PCDHGA2: variants seen among roughly 807,000 people sequenced by gnomAD.
PCDHGA2 encodes protocadherin gamma-A2.
Under a neutral mutation model 59.2 loss-of-function variants are expected in PCDHGA2, and 40 were observed. The observed-to-expected ratio is 0.68, with a 90% CI of 0.52 to 0.88. The LOEUF (loss-of-function observed/expected upper bound fraction) is 0.88. Ranked by LOEUF, PCDHGA2 falls within the 40% of genes least tolerant of loss-of-function variation. The pLI, the probability that PCDHGA2 is intolerant of heterozygous loss-of-function variation, is 0.00. For synonymous variants in PCDHGA2, 560 were observed against 526.0 expected, an observed-to-expected ratio of 1.06 and a Z score of -0.89; for missense variants, 1,226 against 1,204.0, an observed-to-expected ratio of 1.02 and a Z score of -0.27.
In PCDHGA2 at chr5:141,487,818, G is replaced by A. The variant is rs1009237001; in HGVS notation, c.2425-6989G>A. On this transcript the variant is annotated intron_variant, in intron 1 of 3. Coordinates refer to ENST00000394576, the MANE Select transcript of PCDHGA2 (RefSeq NM_018915.4). This position sits in a 1 kb window ranked among gnomAD's most constrained non-coding sequence, Gnocchi z 5.0. ...GAGTTGTCACAGTTTAGCATTGGGG[G>A]CGGGTCATGCCTATATCTGAGTAAG... The A allele has an allele frequency of 1.2e-4, 158 of 1,331,596 alleles. No homozygotes were observed. The highest frequency in any genetic ancestry group is 1.4e-4 in the Non-Finnish European group (140 of 970,524). 82.5% of individuals were successfully genotyped at this position (1,331,596 alleles called of 1,614,324 possible). A position where few individuals can be genotyped will look rare whatever the true frequency, so the allele number is the denominator to read the frequency against.
intron 1 of PCDHGA2, chr5:141,355,002 A>G: frequency 1.3e-6 from 1 of 756,684 alleles, no homozygotes; most frequent in South Asian, 3.1e-5. Flanking sequence ...GGGGGAAAAG[A>G]CAAACCAGAA....
rs532830928 is a variant in PCDHGA2 at position 141,473,487 on chromosome 5, A to G, written c.2425-21320A>G. Reference sequence around the variant, plus strand: ...TTGTGCCAAGTTCAATGGAAAAAATATAAGGTGTTCTGAGAGAGCATAACA... The same window carrying G: ...TTGTGCCAAGTTCAATGGAAAAAATGTAAGGTGTTCTGAGAGAGCATAACA... On this transcript the variant is annotated intron_variant, in intron 1 of 3. Coordinates refer to ENST00000394576, the MANE Select transcript of PCDHGA2 (RefSeq NM_018915.4). 2.0e-3 allele frequency among the ~76,000 whole-genome samples: 310 copies of G among 152,242 alleles called. 5 individuals carry two copies. The South Asian group carries it at 0.052, about 25-fold the overall frequency.
chr5:141,421,760 A>G, intron 1 of PCDHGA2: 1 of 1,613,868 alleles, frequency 6.2e-7, no homozygotes, highest in South Asian at 1.1e-5. Context: ...CCTAATAATT[A>G]CTTTTCCTTG....
intron 1 of PCDHGA2, among the ~76,000 whole-genome samples, chr5:141,435,783 G>A (rs1273339025): frequency 6.6e-6 from 1 of 152,124 alleles, no homozygotes; most frequent in Non-Finnish European, 1.5e-5. Context: ...TAAAGGTGCA[G>A]GGAAACATAA....
chr5:141,341,261 C>A lies in PCDHGA2; in HGVS notation c.2290C>A (p.Arg764=). The A allele has an allele frequency of 6.2e-7, 1 of 1,614,198 alleles. No homozygotes were observed. The highest frequency in any genetic ancestry group is 8.5e-7 in the Non-Finnish European group (1 of 1,180,038). Residue 764 remains arginine, a synonymous_variant, in exon 1 of 4, where the codon CGG becomes AGG. Coordinates refer to ENST00000394576, the MANE Select transcript of PCDHGA2 (RefSeq NM_018915.4). ...CGAGGTCTCCCTCACTGCGGACTCG[C>A]GGAAGAGCCACCTGATTTTCCCCCA... ...SHEVSLTADS[R]KSHLIFPQPN...
intron 1 of PCDHGA2, among the ~76,000 whole-genome samples, chr5:141,358,289 G>T (rs1428102148): frequency 6.6e-6 from 1 of 152,214 alleles, no homozygotes; most frequent in Non-Finnish European, 1.5e-5. Context: ...GAAGGCAATT[G>T]TGTAAATTCA....
intron 1 of PCDHGA2, chr5:141,394,113 A>G: frequency 6.2e-7 from 1 of 1,613,950 alleles, no homozygotes; most frequent in Non-Finnish European, 8.5e-7. Flanking sequence ...ACCTCTGTCC[A>G]CTGAAACTCA....
chr5:141,476,142 G>T lies in PCDHGA2; in HGVS notation c.2425-18665G>T. 6.2e-7 allele frequency: 1 copy of T among 1,610,446 alleles called. No individual in the cohort carries two copies. Among genetic ancestry groups the T allele is most frequent in the South Asian group, 1.1e-5 (1 of 90,868 alleles). On this transcript the variant is annotated intron_variant, in intron 1 of 3. Coordinates refer to ENST00000394576, the MANE Select transcript of PCDHGA2 (RefSeq NM_018915.4). The surrounding 1 kb of genome is among the most constrained non-coding windows in gnomAD (Gnocchi z 7.6). Reference sequence around the variant, plus strand: ...ATGGTCCCAGAGGCCTGGAGGAGCGGACTGGTAAGCACCGGGAGGGTAGTG... The same window carrying T: ...ATGGTCCCAGAGGCCTGGAGGAGCGTACTGGTAAGCACCGGGAGGGTAGTG...
chr5:141,473,245 C>T (rs2099317733), intron 1 of PCDHGA2, among the ~76,000 whole-genome samples: 1 of 152,134 alleles, frequency 6.6e-6, no homozygotes, highest in African/African-American at 2.4e-5. Context: ...CAAGTGAATA[C>T]ATATATAGTC....
At chr5:141,422,463 C>T in intron 1 of PCDHGA2, 1 of 1,613,472 alleles carries the variant, frequency 6.2e-7, no homozygotes, top group African/African-American at 1.3e-5. Context: ...GAGTGCTGGA[C>T]AGGGAGTTGG....
intron 1 of PCDHGA2, chr5:141,430,944 G>T: frequency 1.2e-6 from 2 of 1,609,214 alleles, no homozygotes; most frequent in Non-Finnish European, 1.7e-6. Flanking sequence ...CTCGCGGAGC[G>T]CGGAGTCCGC....
intron 1 of PCDHGA2, chr5:141,344,224 T>C: frequency 1.2e-6 from 2 of 1,613,948 alleles, no homozygotes; most frequent in Non-Finnish European, 1.7e-6. Flanking sequence ...GAGCGCGGAG[T>C]CCGCATCGTC....
intron 1 of PCDHGA2, chr5:141,394,176 G>A: frequency 6.2e-7 from 1 of 1,613,790 alleles, no homozygotes; most frequent in Non-Finnish European, 8.5e-7. Flanking sequence ...TTTCCCTCAT[G>A]CCTCCTACTC....
chr5:141,390,867 C>CGTGTGTGT (rs61319619), intron 1 of PCDHGA2: 11 of 151,144 alleles, frequency 7.3e-5, no homozygotes, highest in African/African-American at 2.7e-4. Flanking sequence ...GCTGTGTGTG[C>CGTGTGTGT]GTGTGTGTGT....
intron 1 of PCDHGA2, chr5:141,385,140 G>T: frequency 1.9e-6 from 3 of 1,614,190 alleles, no homozygotes; most frequent in Non-Finnish European, 2.5e-6. Context: ...ACGGGGTGCA[G>T]GCTTTCCTGC....
At chr5:141,422,187 T>A in intron 1 of PCDHGA2, 1 of 1,561,762 alleles carries the variant, frequency 6.4e-7, no homozygotes, top group South Asian at 1.2e-5. Context: ...AGATGGAAAT[T>A]CAAGGCCAAG....
chr5:141,346,510 T>A, intron 1 of PCDHGA2: 1 of 1,605,456 alleles, frequency 6.2e-7, no homozygotes, highest in Non-Finnish European at 8.5e-7. Flanking sequence ...AATGTGGTTA[T>A]TATAAAGCTT....
chr5:141,408,058 G>A, intron 1 of PCDHGA2: 1 of 1,316,270 alleles, frequency 7.6e-7, no homozygotes. Flanking sequence ...GAGCCTCCCG[G>A]CTGCGCAGAC....
At chr5:141,412,385 AT>A (rs1277702119) in intron 1 of PCDHGA2, 2 of 152,236 alleles carry the variant, frequency 1.3e-5, no homozygotes, top group Admixed American at 1.3e-4. Flanking sequence ...AAATAGGTCC[AT>A]TTAACTTGTA....
Sources: allele counts gnomAD v4.1 joint callset (sites outside exome capture counted in the v4.1 genomes callset), GRCh38; gene constraint gnomAD v4.1.1; non-coding constraint Gnocchi (gnomAD v3.1); transcripts MANE v1.5; gene names NCBI Gene and HGNC (gene_info 2026-07-23, HGNC 2026-07-21).